The following CPQ variants were observed in gnomAD, a reference collection of about 807,000 sequenced individuals.
The protein encoded by CPQ is carboxypeptidase Q, also known as Ser-Met dipeptidase.
CPQ carries 37 observed loss-of-function variants against 45.7 expected under a neutral mutation model. That is an observed-to-expected ratio of 0.81 (90% CI 0.62 to 1.07). CPQ has a LOEUF of 1.07. Ranked by LOEUF, CPQ falls within the 50% of genes least tolerant of loss-of-function variation. The pLI is 0.00. For synonymous variants in CPQ, 186 were observed against 205.8 expected, an observed-to-expected ratio of 0.90 and a Z score of 0.82; for missense variants, 537 against 572.9, an observed-to-expected ratio of 0.94 and a Z score of 0.64.
intron 4 of CPQ, among the ~76,000 whole-genome samples, chr8:96,926,174 C>T (rs1344171487): frequency 6.6e-6 from 1 of 152,180 alleles, no homozygotes; most frequent in African/African-American, 2.4e-5. Context: ...ATCAACTAGC[C>T]TAACCACCCT....
At chr8:97,026,492 G>T (rs1473316052) in intron 5 of CPQ, among the ~76,000 whole-genome samples, 1 of 152,174 alleles carries the variant, frequency 6.6e-6, no homozygotes, top group Admixed American at 6.6e-5. Context: ...TCCCCACTAG[G>T]TTTAAGGTCT....
chr8:96,836,919 G>A (rs1286610625), intron 3 of CPQ, among the ~76,000 whole-genome samples: 2 of 151,612 alleles, frequency 1.3e-5, no homozygotes, highest in Non-Finnish European at 2.9e-5. Context: ...TGATTATAAT[G>A]TTTCACTGAT....
At chr8:96,686,647 C>G (rs1809231838) in intron 1 of CPQ, among the ~76,000 whole-genome samples, 1 of 151,546 alleles carries the variant, frequency 6.6e-6, no homozygotes, top group African/African-American at 2.4e-5. Context: ...TGAGTTTAGG[C>G]TATATTTTTA....
chr8:96,922,670 T>C (rs1288734913), intron 4 of CPQ, among the ~76,000 whole-genome samples: 3 of 152,230 alleles, frequency 2.0e-5, no homozygotes, highest in Admixed American at 2.0e-4. Context: ...CAAACCAATG[T>C]CTCCGACAAC....
intron 5 of CPQ, among the ~76,000 whole-genome samples, chr8:96,994,457 T>C (rs1809145152): frequency 1.3e-5 from 2 of 152,182 alleles, no homozygotes; most frequent in Non-Finnish European, 2.9e-5. Context: ...CCCAAGTCCA[T>C]GTGACTGCCT....
chr8:97,026,517 A>C lies in CPQ; in HGVS notation c.962-2886A>C, dbSNP rs73281746. Among the ~76,000 whole-genome samples the C allele has an allele frequency of 9.3e-3, 1,420 of 152,194 alleles. 22 individuals carry two copies. Among genetic ancestry groups the C allele is most frequent in the African/African-American group, 0.032 (1,325 of 41,510 alleles). On this transcript the variant is annotated intron_variant, in intron 5 of 7. Coordinates refer to ENST00000220763, the MANE Select transcript of CPQ (RefSeq NM_016134.4). ...GTTTAAGGTCTAATTCTTGAATGAA[A>C]CCTCACGCATTTCTCTTAGGTTCAG... is the stretch of plus-strand genomic sequence containing the variant.
intron 5 of CPQ, 115 bp downstream of exon 5, chr8:96,966,161 G>A: frequency 1.5e-6 from 1 of 676,020 alleles, no homozygotes; most frequent in Non-Finnish European, 2.4e-6. Flanking sequence ...ATCCTCTTGA[G>A]GTCAGTTGAT....
intron 5 of CPQ, among the ~76,000 whole-genome samples, chr8:96,985,057 T>C (rs1813988816): frequency 6.6e-6 from 1 of 152,194 alleles, no homozygotes; most frequent in Non-Finnish European, 1.5e-5. Flanking sequence ...TGATGTTAGT[T>C]GAATGTGAAA....
intron 5 of CPQ, among the ~76,000 whole-genome samples, chr8:97,024,453 T>A (rs1809762982): frequency 6.6e-6 from 1 of 152,166 alleles, no homozygotes; most frequent in South Asian, 2.1e-4. Flanking sequence ...CCTAATTGCT[T>A]TATATTTACA....
At chr8:96,850,774 TA>T (rs1341098719) in intron 3 of CPQ, among the ~76,000 whole-genome samples, 1 of 151,856 alleles carries the variant, frequency 6.6e-6, no homozygotes, top group African/African-American at 2.4e-5. Flanking sequence ...CACACCTGGC[TA>T]ATTTTATATT....
intron 1 of CPQ, among the ~76,000 whole-genome samples, chr8:96,751,266 A>G (rs1168498608): frequency 6.6e-6 from 1 of 152,124 alleles, no homozygotes; most frequent in East Asian, 1.9e-4. Flanking sequence ...GTGTAACAGC[A>G]TTCCTTTTTC....
chr8:96,854,127 C>T (rs912916103), intron 3 of CPQ, among the ~76,000 whole-genome samples: 1 of 152,116 alleles, frequency 6.6e-6, no homozygotes, highest in African/African-American at 2.4e-5. Context: ...AGAGAGGAGA[C>T]AAGAAAACGG....
chr8:96,959,910 A>G (rs1052734137), intron 4 of CPQ, among the ~76,000 whole-genome samples: 8 of 148,062 alleles, frequency 5.4e-5, no homozygotes, highest in African/African-American at 2.0e-4. Context: ...AAAAAAAAAA[A>G]CCAAAAACAC....
intron 3 of CPQ, among the ~76,000 whole-genome samples, chr8:96,869,867 G>C (rs1812043828): frequency 6.6e-6 from 1 of 151,978 alleles, no homozygotes; most frequent in Non-Finnish European, 1.5e-5. Flanking sequence ...GGTCAAAGAG[G>C]TGATTCTATA....
At chr8:96,806,049 G>A (rs781518619) in intron 2 of CPQ, among the ~76,000 whole-genome samples, 46 of 152,246 alleles carry the variant, frequency 3.0e-4, no homozygotes, top group Non-Finnish European at 3.1e-4. Context: ...GTCTGGGGAT[G>A]GAACCAACCT....
chr8:96,842,367 AAAAT>A (rs920884505), intron 3 of CPQ, among the ~76,000 whole-genome samples: 1 of 152,190 alleles, frequency 6.6e-6, no homozygotes, highest in African/African-American at 2.4e-5. Context: ...CTGCTGGTGA[AAAAT>A]AAGGAAAATA....
intron 7 of CPQ, among the ~76,000 whole-genome samples, chr8:97,101,572 C>CTTTTTTTTTTTTTTTTTT: frequency 8.8e-6 from 1 of 114,212 alleles, no homozygotes; most frequent in South Asian, 2.9e-4. Flanking sequence ...TTTCTTTTTT[C>CTTTTTTTTTTTTTTTTTT]TTTTTTTTTT....
At chr8:96,898,041 G>T (rs1812466374) in intron 4 of CPQ, among the ~76,000 whole-genome samples, 1 of 120,726 alleles carries the variant, frequency 8.3e-6, no homozygotes, top group African/African-American at 2.8e-5. Flanking sequence ...AAGGTATCAG[G>T]GCTTGAGAAC....
At chr8:96,828,453 A>G (rs1394506039) in intron 2 of CPQ, among the ~76,000 whole-genome samples, 4 of 151,772 alleles carry the variant, frequency 2.6e-5, no homozygotes. Context: ...CTCCTAGTCA[A>G]TTGGCACTCA....
Sources: gnomAD v4.1 joint callset for allele counts (sites outside exome capture counted in the v4.1 genomes callset) on GRCh38, gnomAD v4.1.1 for gene constraint, MANE v1.5 for transcripts, NCBI Gene and HGNC (gene_info 2026-07-23, HGNC 2026-07-21) for gene names.